MKLN1: variants seen among roughly 807,000 people sequenced by gnomAD.
MKLN1 encodes muskelin.
A neutral mutation model predicts 99.0 loss-of-function variants in MKLN1; 18 were observed. The ratio of observed to expected loss-of-function variants is 0.18; its 90% CI spans 0.13 to 0.27. The LOEUF is 0.27. MKLN1 is among the 10% of genes least tolerant of loss of function. The pLI, the probability that MKLN1 is intolerant of heterozygous loss-of-function variation, is 1.00. For missense variants in MKLN1, 621 were observed against 875.9 expected, an observed-to-expected ratio of 0.71 and a Z score of 3.67; for synonymous variants, 288 against 293.2, an observed-to-expected ratio of 0.98 and a Z score of 0.18.
chr7:131,140,804 G>C (rs1795720100), intron 1 of MKLN1, among the ~76,000 whole-genome samples: 1 of 148,756 alleles, frequency 6.7e-6, no homozygotes, highest in Non-Finnish European at 1.5e-5. Flanking sequence ...TTCTGAGACA[G>C]AGTCTCGCTT....
chr7:131,250,408 G>A (rs1045097641), intron 3 of MKLN1, among the ~76,000 whole-genome samples: 2 of 152,186 alleles, frequency 1.3e-5, no homozygotes, highest in African/African-American at 4.8e-5. Context: ...CCACTAGCTA[G>A]AGAGGAAGAG....
At chr7:131,478,906 G>T in intron 17 of MKLN1, 1 of 562,302 alleles carries the variant, frequency 1.8e-6, no homozygotes, top group Non-Finnish European at 3.1e-6. Flanking sequence ...GTGTTAGTAT[G>T]CAAACAGATA....
chr7:131,447,290 A>C (rs959439343), intron 12 of MKLN1, among the ~76,000 whole-genome samples: 1 of 152,234 alleles, frequency 6.6e-6, no homozygotes, highest in Non-Finnish European at 1.5e-5. Context: ...TATTTACCCT[A>C]TCTAAAATTG....
chr7:131,247,235 C>CT (rs72068521), intron 3 of MKLN1, among the ~76,000 whole-genome samples: 12,092 of 140,978 alleles, frequency 0.086, 638 homozygotes, highest in South Asian at 0.14. Context: ...TTTCTTTTTT[C>CT]TTTTTTTTTT....
intron 3 of MKLN1, among the ~76,000 whole-genome samples, chr7:131,221,609 AT>A (rs1797060537): frequency 6.8e-6 from 1 of 146,002 alleles, no homozygotes; most frequent in Non-Finnish European, 1.5e-5. Flanking sequence ...TCTGGTTTGG[AT>A]GATTCTCCTG....
At chr7:131,203,254 A>T (rs1470326963) in intron 3 of MKLN1, among the ~76,000 whole-genome samples, 1 of 152,072 alleles carries the variant, frequency 6.6e-6, no homozygotes, top group Non-Finnish European at 1.5e-5. Flanking sequence ...ATTAAAAGGA[A>T]CTCTTGGGAT....
At chr7:131,385,400 C>T (rs188212619) in intron 2 of MKLN1, among the ~76,000 whole-genome samples, 2 of 150,620 alleles carry the variant, frequency 1.3e-5, no homozygotes, top group Admixed American at 6.6e-5. Context: ...CATTCTTGGT[C>T]GTGTAGTAAT....
At chr7:131,120,169 T>G (rs1423628540) in intron 1 of MKLN1, among the ~76,000 whole-genome samples, 1 of 8,938 alleles carries the variant, frequency 1.1e-4, no homozygotes, top group African/African-American at 4.2e-4. Flanking sequence ...AGACTCCATC[T>G]CAAAAAAAAA....
At chr7:131,164,897 C>G (rs1311493014) in intron 2 of MKLN1, among the ~76,000 whole-genome samples, 1 of 152,156 alleles carries the variant, frequency 6.6e-6, no homozygotes, top group Non-Finnish European at 1.5e-5. Flanking sequence ...CTACTATGTT[C>G]AAGGCATTGA....
intron 2 of MKLN1, among the ~76,000 whole-genome samples, chr7:131,385,928 G>A (rs532740763): frequency 3.6e-4 from 54 of 151,380 alleles, no homozygotes; most frequent in African/African-American, 1.3e-3. Context: ...CTAAGAATCC[G>A]GTGCCAAATC....
At chr7:131,345,424 T>C (rs1259490147) in intron 1 of MKLN1, among the ~76,000 whole-genome samples, 1 of 152,246 alleles carries the variant, frequency 6.6e-6, no homozygotes, top group Non-Finnish European at 1.5e-5. Flanking sequence ...ATTTTGGGTT[T>C]TCAGATTCTC....
In MKLN1 at chr7:131,258,617, T is replaced by C. The variant is rs191943496; in HGVS notation, c.-179+55643T>C. 1.5e-3 allele frequency among the ~76,000 whole-genome samples: 221 copies of C among 152,272 alleles called. 1 individual carries two copies. Among genetic ancestry groups the C allele is most frequent in the African/African-American group, 4.7e-3 (195 of 41,518 alleles). ...TAAAGCAAGGTTACAATTGTTGGTA[T>C]AAATGAAGTGCTTTGCAGATGTTAT... On this transcript the variant is annotated intron_variant, in intron 3 of 7. Transcript: ENST00000416992.
At chr7:131,435,955 G>A (rs535063343) in intron 9 of MKLN1, among the ~76,000 whole-genome samples, 1 of 151,498 alleles carries the variant, frequency 6.6e-6, no homozygotes, top group Admixed American at 6.6e-5. Context: ...TAATTTAGTT[G>A]AAGCAAGAAG....
At chr7:131,333,045 TC>T (rs1210587231) in intron 1 of MKLN1, among the ~76,000 whole-genome samples, 1 of 152,158 alleles carries the variant, frequency 6.6e-6, no homozygotes, top group Non-Finnish European at 1.5e-5. Context: ...TGCCTCAGCC[TC>T]CTAAGTAGCT....
chr7:131,219,007 A>G (rs4270880), intron 3 of MKLN1, among the ~76,000 whole-genome samples: 43,704 of 152,066 alleles, frequency 0.29, 6,627 homozygotes, highest in South Asian at 0.44. Flanking sequence ...AGAATGGTCA[A>G]TTCTTAGGAA....
chr7:131,157,149 G>A (rs1795981832), intron 2 of MKLN1, among the ~76,000 whole-genome samples: 2 of 152,312 alleles, frequency 1.3e-5, no homozygotes, highest in South Asian at 2.1e-4. Flanking sequence ...GGATGCTGAG[G>A]CAGGCAGATC....
rs183327467 is a variant in MKLN1 at position 131,467,860 on chromosome 7, C to T, written c.1928+1445C>T. 1.4e-3 allele frequency among the ~76,000 whole-genome samples: 215 copies of T among 152,194 alleles called. 1 individual carries two copies. The highest frequency in any genetic ancestry group is 2.2e-3 in the Non-Finnish European group (148 of 68,018). On this transcript the variant is annotated intron_variant, in intron 15 of 17. Coordinates refer to ENST00000352689, the MANE Select transcript of MKLN1 (RefSeq NM_013255.5). ...CAGGTGGGGAATTCTTCAGAAACAA[C>T]GGGTTTATGTGTTGGAAAAGATTAG...
At chr7:131,481,869 T>A (rs1469966553) in intron 17 of MKLN1, among the ~76,000 whole-genome samples, 5 of 142,602 alleles carry the variant, frequency 3.5e-5, no homozygotes, top group African/African-American at 1.3e-4. Context: ...CCTCCAGAAA[T>A]AATCCAATTT....
intron 3 of MKLN1, among the ~76,000 whole-genome samples, chr7:131,223,358 C>T (rs532878998): frequency 1.2e-4 from 19 of 152,312 alleles, no homozygotes; most frequent in African/African-American, 4.1e-4. Flanking sequence ...TAGCTCGGAA[C>T]ATCACAGGTA....
Sources: gnomAD v4.1 joint callset for allele counts (sites outside exome capture counted in the v4.1 genomes callset) on GRCh38, gnomAD v4.1.1 for gene constraint, MANE v1.5 for transcripts, NCBI Gene and HGNC (gene_info 2026-07-23, HGNC 2026-07-21) for gene names.